The following SENP7 variants were observed in gnomAD, a reference collection of about 807,000 sequenced individuals.
SENP7 encodes SUMO specific peptidase 7.
SENP7 carries 64 observed loss-of-function variants against 141.2 expected under a neutral mutation model. The ratio of observed to expected loss-of-function variants is 0.45; its 90% CI spans 0.37 to 0.56. The LOEUF (loss-of-function observed/expected upper bound fraction) is 0.56, where lower values mean the gene tolerates loss of function less well. SENP7 is among the 20% of genes least tolerant of loss of function. SENP7 has a pLI of 0.00. For synonymous variants in SENP7, 382 were observed against 426.4 expected (o/e 0.90, Z 1.28); for missense variants, 1,025 against 1,212.2 (o/e 0.85, Z 2.29).
At chr3:101,436,709 A>T (rs530916299) in intron 4 of SENP7, among the ~76,000 whole-genome samples, 5 of 152,352 alleles carry the variant, frequency 3.3e-5, no homozygotes, top group African/African-American at 1.2e-4. Flanking sequence ...GAGAAATGCA[A>T]ATCAAAACTA....
chr3:101,335,706 G>T (rs567032533), intron 17 of SENP7, among the ~76,000 whole-genome samples: 1 of 152,080 alleles, frequency 6.6e-6, no homozygotes, highest in African/African-American at 2.4e-5. Flanking sequence ...TCTCTACTTT[G>T]AATAATCTTG....
chr3:101,416,929 T>C (rs1332954452), intron 5 of SENP7, among the ~76,000 whole-genome samples: 4 of 152,176 alleles, frequency 2.6e-5, no homozygotes, highest in Non-Finnish European at 5.9e-5. Flanking sequence ...ATTTAATGGC[T>C]GAAATTGTAA....
At chr3:101,356,694 T>C (rs958392160) in intron 11 of SENP7, among the ~76,000 whole-genome samples, 1 of 152,160 alleles carries the variant, frequency 6.6e-6, no homozygotes, top group African/African-American at 2.4e-5. Flanking sequence ...TATTTTCATA[T>C]AAACTCTGGT....
chr3:101,513,212 GGAAAAA>G (rs2065941786), upstream of SENP7: 608 of 135,872 alleles, frequency 4.5e-3, 29 homozygotes, highest in South Asian at 8.5e-3. Context: ...GGAGGGGAAA[GGAAAAA>G]AAAAAAAAAA....
chr3:101,455,062 G>C (rs2063304219), intron 4 of SENP7, among the ~76,000 whole-genome samples: 3 of 150,788 alleles, frequency 2.0e-5, no homozygotes, highest in South Asian at 4.2e-4. Flanking sequence ...TTTAAAGTAA[G>C]ATCAAACACA....
At chr3:101,354,583 G>C (rs1186733123) in intron 11 of SENP7, among the ~76,000 whole-genome samples, 1 of 152,020 alleles carries the variant, frequency 6.6e-6, no homozygotes, top group African/African-American at 2.4e-5. Flanking sequence ...CAAAAGACAT[G>C]ATCTTATTCT....
At chr3:101,330,526 T>G (rs1185706544) in intron 19 of SENP7, 140 bp from the exon 20 acceptor site, 1 of 503,530 alleles carries the variant, frequency 2.0e-6, no homozygotes, top group Non-Finnish European at 3.5e-6. Context: ...TTTTCATGAT[T>G]AATGTTATGA....
chr3:101,376,966 A>AT (rs1008324546), intron 6 of SENP7, among the ~76,000 whole-genome samples: 1 of 152,066 alleles, frequency 6.6e-6, no homozygotes, highest in Admixed American at 6.6e-5. Flanking sequence ...AAGTTGTAAG[A>AT]TTTTTTTTAA....
intron 5 of SENP7, chr3:101,414,379 A>C: frequency 1.1e-6 from 1 of 892,228 alleles, no homozygotes; most frequent in Non-Finnish European, 1.9e-6. Flanking sequence ...CCAGTGCATC[A>C]AGCACTGCCA....
At chr3:101,409,214 G>C (rs562694251) in intron 5 of SENP7, among the ~76,000 whole-genome samples, 1 of 151,850 alleles carries the variant, frequency 6.6e-6, no homozygotes, top group Non-Finnish European at 1.5e-5. Context: ...AAATACTTAG[G>C]AATATATCTA....
intron 4 of SENP7, among the ~76,000 whole-genome samples, chr3:101,439,091 G>A (rs1287655789): frequency 2.1e-3 from 252 of 122,776 alleles, no homozygotes; most frequent in Non-Finnish European, 3.5e-3. Context: ...AGTGAGGAGC[G>A]CCTCTTCCCA....
chr3:101,360,793 G>A (rs2059875546), intron 11 of SENP7, among the ~76,000 whole-genome samples: 1 of 152,198 alleles, frequency 6.6e-6, no homozygotes, highest in African/African-American at 2.4e-5. Flanking sequence ...GTATAGCAAA[G>A]GGAGAAGTTA....
Position 101,441,217 on chromosome 3 carries a change from G to A in SENP7, c.284+17738C>T, listed in dbSNP as rs116620826. 9.0e-4 allele frequency among the ~76,000 whole-genome samples: 137 copies of A among 152,274 alleles called. 1 individual carries two copies. The highest frequency in any genetic ancestry group is 6.6e-3 in the East Asian group (34 of 5,184). ...ATGCCCATGCTGTCCAGAAGCATGA[G>A]TACTGGCCAGGCCCACTCATTGCTG... On this transcript the variant is annotated intron_variant, in intron 4 of 23. Transcript: ENST00000394095.
chr3:101,330,428 GT>G, intron 19 of SENP7, 42 bp from the exon 20 acceptor site: 1 of 1,344,512 alleles, frequency 7.4e-7, no homozygotes, highest in East Asian at 2.4e-5. Context: ...TTTATTGCAT[GT>G]TTTTATACAG....
At chr3:101,435,127 A>C (rs566067872) in intron 4 of SENP7, among the ~76,000 whole-genome samples, 14 of 152,264 alleles carry the variant, frequency 9.2e-5, no homozygotes, top group Admixed American at 3.9e-4. Flanking sequence ...TACAAAAATC[A>C]ATCAACATGA....
At chr3:101,470,404 C>CAT in intron 3 of SENP7, among the ~76,000 whole-genome samples, 1 of 152,128 alleles carries the variant, frequency 6.6e-6, no homozygotes, top group East Asian at 1.9e-4. Flanking sequence ...TGACAAAAAC[C>CAT]ACGATTATCT....
chr3:101,407,000 T>C (rs2107612808), intron 5 of SENP7, among the ~76,000 whole-genome samples: 1 of 152,268 alleles, frequency 6.6e-6, no homozygotes. Flanking sequence ...AGATACAGTC[T>C]TTTTCAGACA....
intron 20 of SENP7, among the ~76,000 whole-genome samples, chr3:101,329,097 G>C (rs1276452512): frequency 6.6e-6 from 1 of 152,166 alleles, no homozygotes; most frequent in Non-Finnish European, 1.5e-5. Flanking sequence ...AGGGAAAAGG[G>C]ATAGGGAATT....
chr3:101,446,879 C>T (rs1379916561), intron 4 of SENP7, among the ~76,000 whole-genome samples: 1 of 151,242 alleles, frequency 6.6e-6, no homozygotes, highest in African/African-American at 2.4e-5. Flanking sequence ...ACAAACATAA[C>T]GAGAATTAGT....
Sources: gnomAD v4.1 joint callset for allele counts (sites outside exome capture counted in the v4.1 genomes callset) on GRCh38, gnomAD v4.1.1 for gene constraint, MANE v1.5 for transcripts, NCBI Gene and HGNC (gene_info 2026-07-23, HGNC 2026-07-21) for gene names.